Variants in SUGCT observed in about 807,000 individuals in gnomAD.
The protein encoded by SUGCT is succinyl-CoA:glutarate CoA-transferase.
SUGCT carries 41 observed loss-of-function variants against 55.0 expected under a neutral mutation model. The ratio of observed to expected loss-of-function variants is 0.74; its 90% CI spans 0.58 to 0.97. The LOEUF is 0.97. Among genes scored for constraint, SUGCT ranks in the 50% least tolerant of loss-of-function variants. SUGCT has a pLI of 0.00. For missense variants in SUGCT, 568 were observed against 547.8 expected (o/e 1.04, Z -0.37); for synonymous variants, 187 against 200.4 (o/e 0.93, Z 0.56).
chr7:40,904,326 C>T, the SUGCT span, among the ~76,000 whole-genome samples: 1 of 152,146 alleles, frequency 6.6e-6, no homozygotes, highest in Admixed American at 6.5e-5. Context: ...AGGCAGGTCT[C>T]CACCAGGCCA....
At chr7:40,984,086 C>T in the SUGCT span, among the ~76,000 whole-genome samples, 1 of 152,016 alleles carries the variant, frequency 6.6e-6, no homozygotes, top group Non-Finnish European at 1.5e-5. Context: ...GAATAGGTTC[C>T]ACCAGGTAAC....
At chr7:40,862,537 G>A (rs949561444), downstream of SUGCT, among the ~76,000 whole-genome samples, 1 of 151,996 alleles carries the variant, frequency 6.6e-6, no homozygotes, top group Non-Finnish European at 1.5e-5. Context: ...TTTAATTATC[G>A]GGGCCTATTA....
At chr7:40,709,825 A>G (rs918748812) in intron 12 of SUGCT, among the ~76,000 whole-genome samples, 61 of 152,182 alleles carry the variant, frequency 4.0e-4, no homozygotes, top group Admixed American at 1.3e-4. Flanking sequence ...AACTACATAC[A>G]TATTGTGGGG....
chr7:40,327,406 T>C (rs2151138236), intron 9 of SUGCT, among the ~76,000 whole-genome samples: 1 of 152,358 alleles, frequency 6.6e-6, no homozygotes, highest in African/African-American at 2.4e-5. Context: ...TCTGGGCTAC[T>C]TCTTAGGAAA....
chr7:40,919,007 T>C, the SUGCT span, among the ~76,000 whole-genome samples: 641 of 152,336 alleles, frequency 4.2e-3, 45 homozygotes, highest in South Asian at 0.13. Context: ...AAAAGTTACC[T>C]GACACACTCT....
At chr7:40,769,632 G>A (rs1280698719) in intron 13 of SUGCT, among the ~76,000 whole-genome samples, 3 of 152,120 alleles carry the variant, frequency 2.0e-5, no homozygotes, top group Non-Finnish European at 4.4e-5. Context: ...GAAATGGATT[G>A]TGCCCTAGAT....
At chr7:40,821,557 T>G (rs889476516) in intron 13 of SUGCT, among the ~76,000 whole-genome samples, 3 of 152,178 alleles carry the variant, frequency 2.0e-5, no homozygotes, top group African/African-American at 4.8e-5. Context: ...TGCGTAGAGG[T>G]GTTTATAATA....
chr7:40,583,593 C>G (rs944528594), intron 12 of SUGCT, among the ~76,000 whole-genome samples: 1 of 152,182 alleles, frequency 6.6e-6, no homozygotes, highest in African/African-American at 2.4e-5. Context: ...AAGAAGGTTT[C>G]CACATTAAAC....
chr7:40,239,435 T>C (rs1789227588), intron 7 of SUGCT, among the ~76,000 whole-genome samples: 1 of 152,188 alleles, frequency 6.6e-6, no homozygotes, highest in South Asian at 2.1e-4. Flanking sequence ...GAATAGAGCA[T>C]GGACATTTCT....
At chr7:40,362,896 A>G (rs1043616887) in intron 9 of SUGCT, among the ~76,000 whole-genome samples, 1 of 152,212 alleles carries the variant, frequency 6.6e-6, no homozygotes, top group African/African-American at 2.4e-5. Context: ...CTTATAGTAT[A>G]TGAAATAGAT....
intron 7 of SUGCT, among the ~76,000 whole-genome samples, chr7:40,260,146 G>A (rs1384743175): frequency 6.6e-6 from 1 of 152,134 alleles, no homozygotes; most frequent in Non-Finnish European, 1.5e-5. Flanking sequence ...AGGTGTGCAG[G>A]ACTTCTATCC....
intron 10 of SUGCT, among the ~76,000 whole-genome samples, chr7:40,450,574 C>T (rs991443662): frequency 7.2e-5 from 11 of 151,780 alleles, no homozygotes; most frequent in Admixed American, 1.3e-4. Flanking sequence ...CAGGAGTTCT[C>T]GACCAGCCTG....
At chr7:40,189,097 A>G (rs981680815) in intron 4 of SUGCT, among the ~76,000 whole-genome samples, 1 of 152,224 alleles carries the variant, frequency 6.6e-6, no homozygotes, top group Non-Finnish European at 1.5e-5. Flanking sequence ...TAATCCCAGC[A>G]CTTTGGGTGG....
chr7:40,395,489 C>CAAAAA (rs36068766), intron 9 of SUGCT, among the ~76,000 whole-genome samples: 4 of 46,130 alleles, frequency 8.7e-5, no homozygotes, highest in Admixed American at 2.7e-4. Flanking sequence ...AACTCTGTCT[C>CAAAAA]AAAAAAAAAA....
At chr7:40,352,782 G>C (rs1439139902) in intron 9 of SUGCT, among the ~76,000 whole-genome samples, 1 of 152,058 alleles carries the variant, frequency 6.6e-6, no homozygotes, top group Non-Finnish European at 1.5e-5. Flanking sequence ...GTATTCCTTT[G>C]GGTGTACACC....
At chr7:40,669,232 A>G (rs1022677458) in intron 12 of SUGCT, among the ~76,000 whole-genome samples, 1 of 151,866 alleles carries the variant, frequency 6.6e-6, no homozygotes, top group Non-Finnish European at 1.5e-5. Flanking sequence ...TTCTACTCTA[A>G]CCTGCCAGTA....
At chr7:40,327,831 C>T (rs1796096429) in intron 9 of SUGCT, among the ~76,000 whole-genome samples, 1 of 152,150 alleles carries the variant, frequency 6.6e-6, no homozygotes. Flanking sequence ...TCAGATGTAA[C>T]ATTTATCAAT....
chr7:40,610,174 T>C (rs575257241), intron 12 of SUGCT, among the ~76,000 whole-genome samples: 1 of 152,328 alleles, frequency 6.6e-6, no homozygotes, highest in East Asian at 1.9e-4. Flanking sequence ...GCAGCAGCCA[T>C]TGCTCTGGAA....
intron 12 of SUGCT, among the ~76,000 whole-genome samples, chr7:40,730,768 A>AT (rs1395471464): frequency 4.6e-5 from 7 of 152,312 alleles, no homozygotes; most frequent in Non-Finnish European, 7.3e-5. Context: ...GATCTCACAT[A>AT]TAAGTGTAAT....
Sources: gnomAD v4.1 joint callset for allele counts (sites outside exome capture counted in the v4.1 genomes callset) on GRCh38, gnomAD v4.1.1 for gene constraint, MANE v1.5 for transcripts, NCBI Gene and HGNC (gene_info 2026-07-23, HGNC 2026-07-21) for gene names.